Variants in MYO1H observed in about 807,000 individuals in gnomAD.
The protein encoded by MYO1H is unconventional myosin-Ih.
MYO1H carries 118 observed loss-of-function variants against 149.3 expected under a neutral mutation model. The observed-to-expected ratio is 0.79, with a 90% confidence interval of 0.68 to 0.92. The LOEUF is 0.92. Ranked by LOEUF, MYO1H falls within the 40% of genes least tolerant of loss-of-function variation. The pLI is 0.00. For synonymous variants in MYO1H, 447 were observed against 465.2 expected, an observed-to-expected ratio of 0.96 and a Z score of 0.50; for missense variants, 1,212 against 1,280.7, an observed-to-expected ratio of 0.95 and a Z score of 0.82.
the MYO1H span, among the ~76,000 whole-genome samples, chr12:109,331,899 ATC>A: frequency 3.3e-5 from 5 of 152,174 alleles, no homozygotes; most frequent in East Asian, 3.9e-4. Context: ...TCCTCTTGAA[ATC>A]TCTTTTTGTC....
the MYO1H span, among the ~76,000 whole-genome samples, chr12:109,321,829 T>C: frequency 6.6e-6 from 1 of 152,214 alleles, no homozygotes; most frequent in African/African-American, 2.4e-5. Flanking sequence ...GGGAAAATTG[T>C]AATGCACTTT....
At chr12:109,364,687 AAC>A (rs1254428537) in intron 1 of MYO1H, among the ~76,000 whole-genome samples, 37 of 152,250 alleles carry the variant, frequency 2.4e-4, no homozygotes, top group Admixed American at 1.4e-3. Flanking sequence ...CATTTTAGAT[AAC>A]ACCACAGAAA....
At chr12:109,398,714 C>A (rs971122502) in intron 5 of MYO1H, among the ~76,000 whole-genome samples, 4 of 136,594 alleles carry the variant, frequency 2.9e-5, no homozygotes, top group Admixed American at 9.3e-5. Context: ...GCACTCCAGC[C>A]CGGGCAACAA....
At chr12:109,345,404 G>T (rs901357208), upstream of MYO1H, among the ~76,000 whole-genome samples, 2 of 152,096 alleles carry the variant, frequency 1.3e-5, no homozygotes, top group African/African-American at 4.8e-5. Context: ...ACCACAATGA[G>T]ATACCACTGC....
chr12:109,438,798 T>G (rs999119710), intron 23 of MYO1H, among the ~76,000 whole-genome samples, 178 bp downstream of exon 23: 2 of 152,224 alleles, frequency 1.3e-5, no homozygotes, highest in Non-Finnish European at 2.9e-5. Flanking sequence ...AATTTGATGG[T>G]GATCACAACT....
chr12:109,374,814 C>T (rs562642863), intron 1 of MYO1H, among the ~76,000 whole-genome samples: 13 of 151,960 alleles, frequency 8.6e-5, no homozygotes, highest in African/African-American at 2.4e-4. Context: ...AATTATATTC[C>T]GGTGCATATT....
At chr12:109,320,288 T>G in the MYO1H span, among the ~76,000 whole-genome samples, 6 of 151,850 alleles carry the variant, frequency 4.0e-5, no homozygotes. Flanking sequence ...CACTCCAGAC[T>G]GGGTGACAGA....
At chr12:109,442,834 G>C (rs1592822684) in intron 27 of MYO1H, among the ~76,000 whole-genome samples, 1 of 131,984 alleles carries the variant, frequency 7.6e-6, no homozygotes, top group African/African-American at 2.8e-5. Flanking sequence ...CTGGGGAATA[G>C]AAGCCACTGT....
chr12:109,319,712 T>A, the MYO1H span, among the ~76,000 whole-genome samples: 1 of 152,152 alleles, frequency 6.6e-6, no homozygotes, highest in Non-Finnish European at 1.5e-5. Flanking sequence ...TGGGGCTGGA[T>A]GATTTTTTGT....
At chr12:109,416,711 G>A (rs529543795) in intron 15 of MYO1H, among the ~76,000 whole-genome samples, 4 of 152,116 alleles carry the variant, frequency 2.6e-5, no homozygotes, top group Admixed American at 1.3e-4. Context: ...TAACTCGGCC[G>A]GGTGTGATGG....
chr12:109,351,878 G>A (rs1868466606), intron 1 of MYO1H, among the ~76,000 whole-genome samples: 1 of 152,176 alleles, frequency 6.6e-6, no homozygotes, highest in Non-Finnish European at 1.5e-5. Context: ...ATCTAATGTG[G>A]AAGATTCCAC....
chr12:109,405,561 C>T (rs1326186822), intron 7 of MYO1H, among the ~76,000 whole-genome samples: 2 of 152,204 alleles, frequency 1.3e-5, no homozygotes, highest in Admixed American at 6.5e-5. Flanking sequence ...CTGCCCACCT[C>T]GGCCTCCCAA....
chr12:109,333,435 C>T, the MYO1H span, among the ~76,000 whole-genome samples: 2 of 152,074 alleles, frequency 1.3e-5, no homozygotes, highest in Non-Finnish European at 2.9e-5. Flanking sequence ...CTTGTTTGTG[C>T]ATTTGCTGGT....
chr12:109,342,362 C>A, the MYO1H span, among the ~76,000 whole-genome samples: 2 of 152,030 alleles, frequency 1.3e-5, no homozygotes, highest in African/African-American at 4.8e-5. Flanking sequence ...CCAGGCTGGT[C>A]TTGAACTCCT....
chr12:109,415,801 A>AT (rs1468922011), intron 15 of MYO1H, among the ~76,000 whole-genome samples, 181 bp downstream of exon 15: 10 of 152,170 alleles, frequency 6.6e-5, no homozygotes, highest in Non-Finnish European at 1.2e-4. Context: ...TAACCACTTT[A>AT]TTGAGATGCA....
At chr12:109,435,192 G>C in intron 21 of MYO1H, 79 bp downstream of exon 21, 2 of 926,180 alleles carry the variant, frequency 2.2e-6, no homozygotes, top group Non-Finnish European at 3.3e-6. Context: ...CTTAAACACG[G>C]GTGTTTGATA....
exon 19 of MYO1H, chr12:109,427,502 T>C: frequency 6.2e-7 from 1 of 1,612,740 alleles, no homozygotes; most frequent in South Asian, 1.1e-5. Context: ...AGGCATCAGA[T>C]CAAATACCTG....
At chr12:109,326,677 C>G in the MYO1H span, among the ~76,000 whole-genome samples, 9 of 151,664 alleles carry the variant, frequency 5.9e-5, no homozygotes, top group Non-Finnish European at 8.8e-5. Flanking sequence ...ATGTCACCAT[C>G]CCCGGCTAAT....
At chr12:109,350,143 G>A (rs1420999489) in intron 1 of MYO1H, among the ~76,000 whole-genome samples, 1 of 152,038 alleles carries the variant, frequency 6.6e-6, no homozygotes, top group Non-Finnish European at 1.5e-5. Flanking sequence ...GCCGTTGATT[G>A]TCATTGTCCA....
Sources: gnomAD v4.1 joint callset for allele counts (sites outside exome capture counted in the v4.1 genomes callset) on GRCh38, gnomAD v4.1.1 for gene constraint, MANE v1.5 for transcripts, NCBI Gene and HGNC (gene_info 2026-07-23, HGNC 2026-07-21) for gene names.